Variants in DENND6A observed in about 807,000 individuals in gnomAD.
The protein encoded by DENND6A is protein DENND6A.
DENND6A carries 43 observed loss-of-function variants against 95.5 expected under a neutral mutation model. The observed-to-expected ratio is 0.45, with a 90% CI of 0.35 to 0.58. The LOEUF is 0.58. Among genes scored for constraint, DENND6A ranks in the 20% least tolerant of loss-of-function variants. The pLI is 0.00. For missense variants in DENND6A, 574 were observed against 736.0 expected (o/e 0.78, Z 2.55); for synonymous variants, 257 against 260.4 (o/e 0.99, Z 0.13).
intron 12 of DENND6A, among the ~76,000 whole-genome samples, chr3:57,639,887 A>G (rs1559807718): frequency 6.6e-6 from 1 of 152,198 alleles, no homozygotes; most frequent in Non-Finnish European, 1.5e-5. Context: ...ATTTAGATAT[A>G]TGTATATACC....
intron 3 of DENND6A, among the ~76,000 whole-genome samples, chr3:57,669,782 A>G (rs6445924): frequency 0.83 from 125,649 of 151,708 alleles, 52,313 homozygotes; most frequent in East Asian, 1. Flanking sequence ...AGCACTTTGG[A>G]AGCCTGAGGC....
intron 11 of DENND6A, 80 bp downstream of exon 11, chr3:57,645,581 A>T (rs1017294554): frequency 3.6e-5 from 38 of 1,054,064 alleles, no homozygotes; most frequent in South Asian, 4.8e-5. Context: ...TCTGCCTATA[A>T]GCTTTTATTA....
At chr3:57,671,387 G>A (rs1025617359) in intron 3 of DENND6A, among the ~76,000 whole-genome samples, 14 of 151,916 alleles carry the variant, frequency 9.2e-5, no homozygotes, top group African/African-American at 2.7e-4. Flanking sequence ...AAAATTAGCC[G>A]GGACTGGTGG....
chr3:57,685,397 T>C (rs765597950), intron 1 of DENND6A, among the ~76,000 whole-genome samples: 20 of 152,214 alleles, frequency 1.3e-4, no homozygotes, highest in Non-Finnish European at 2.2e-4. Context: ...TCCAAAATGC[T>C]TGGTGGGATC....
chr3:57,634,721 G>A lies in DENND6A; in HGVS notation c.1181C>T (p.Thr394Ile). The part of the protein sequence containing the change: ...VKVKKLKNLK[T>I]LDSKPGVYTS... ...GTCAATACCAGGTTTGGAATCCAGA[G>A]TCTTTAGATTCTTCAGTTTTTTCAC... The change falls in exon 13 of 20, where the codon ACT (threonine) becomes ATT (isoleucine). Residue 394 changes from threonine to isoleucine, a missense_variant. This residue lies in a region of DENND6A where 452 missense variants were observed against 630.9 expected (regional missense o/e 0.72). Coordinates refer to ENST00000311128, the MANE Select transcript of DENND6A (RefSeq NM_152678.3). The A allele has an allele frequency of 6.4e-7, 1 of 1,570,368 alleles. No individual in the cohort carries two copies. The highest frequency in any genetic ancestry group is 8.6e-7 in the Non-Finnish European group (1 of 1,158,176).
At chr3:57,662,215 A>T (rs1398095724) in intron 5 of DENND6A, among the ~76,000 whole-genome samples, 3 of 116,652 alleles carry the variant, frequency 2.6e-5, no homozygotes, top group Non-Finnish European at 3.4e-5. Context: ...TTTTGAGACA[A>T]GGTCTCACTC....
intron 5 of DENND6A, among the ~76,000 whole-genome samples, chr3:57,662,728 T>C (rs1034451399): frequency 2.0e-5 from 3 of 152,046 alleles, no homozygotes; most frequent in Non-Finnish European, 4.4e-5. Flanking sequence ...AACTGTAACT[T>C]ACTGTCAGGA....
chr3:57,663,463 C>CAAAAA (rs1189672713), intron 5 of DENND6A, among the ~76,000 whole-genome samples, 173 bp downstream of exon 5: 43 of 51,950 alleles, frequency 8.3e-4, no homozygotes, highest in Admixed American at 2.5e-3. Flanking sequence ...GACTCCACCT[C>CAAAAA]AAAAAAAAAA....
At chr3:57,674,201 T>C (rs1409389406) in intron 1 of DENND6A, among the ~76,000 whole-genome samples, 2 of 151,616 alleles carry the variant, frequency 1.3e-5, no homozygotes, top group Admixed American at 6.6e-5. Flanking sequence ...TGAAACCCCG[T>C]CTCTACTAAA....
In DENND6A at chr3:57,679,904, G is replaced by A. The variant is rs150918518; in HGVS notation, c.238-7466C>T. ...GCAACAGACAGCCTAACAGCAGCTC[G>A]GGAGGAAAAGCGAGATATAGAGATG... is the stretch of plus-strand genomic sequence containing the variant. On this transcript the variant is annotated intron_variant, in intron 1 of 19. Coordinates refer to ENST00000311128, the MANE Select transcript of DENND6A (RefSeq NM_152678.3). Among the ~76,000 whole-genome samples, 17 of 152,230 alleles carry A rather than the reference G, an allele frequency of 1.1e-4. No homozygotes were observed. In the South Asian group the frequency reaches 2.7e-3, roughly 24 times the overall value.
chr3:57,679,378 T>C (rs1257019455), intron 1 of DENND6A: 1 of 437,832 alleles, frequency 2.3e-6, no homozygotes, highest in Non-Finnish European at 3.0e-6. Context: ...TGTTGTTACT[T>C]CTTATTCCAC....
intron 1 of DENND6A, among the ~76,000 whole-genome samples, chr3:57,690,634 A>C (rs1161505656): frequency 6.6e-6 from 1 of 151,976 alleles, no homozygotes; most frequent in Non-Finnish European, 1.5e-5. Context: ...CAGTGAGCCG[A>C]AATTACACCA....
At chr3:57,679,821 C>T (rs185092693) in intron 1 of DENND6A, among the ~76,000 whole-genome samples, 2 of 152,260 alleles carry the variant, frequency 1.3e-5, no homozygotes, top group East Asian at 3.9e-4. Flanking sequence ...GTCAAAAATA[C>T]AGGCTGGGAA....
intron 9 of DENND6A, among the ~76,000 whole-genome samples, chr3:57,649,804 C>T (rs545526028): frequency 6.7e-6 from 1 of 149,774 alleles, no homozygotes; most frequent in South Asian, 2.1e-4. Context: ...GGATTGACCC[C>T]CCACCCCCAC....
intron 1 of DENND6A, among the ~76,000 whole-genome samples, chr3:57,686,841 A>G (rs895727682): frequency 6.6e-6 from 1 of 152,156 alleles, no homozygotes; most frequent in African/African-American, 2.4e-5. Context: ...GGGGCAATGA[A>G]TAACTCTATA....
Position 57,628,124 on chromosome 3 carries a change from C to T in DENND6A, c.*90G>A. The T allele has an allele frequency of 6.6e-7, 1 of 1,526,102 alleles. No individual in the cohort carries two copies. The highest frequency in any genetic ancestry group is 2.3e-5 in the East Asian group (1 of 43,910). 94.5% of individuals were successfully genotyped at this position (1,526,102 alleles called of 1,614,324 possible). On this transcript the variant is annotated 3_prime_UTR_variant, in exon 20 of 20. Transcript: ENST00000311128. ...TTCATGGCAATTTTCCACTCCGCTG[C>T]CACTGAGAGATCTCCTTTGTGCGTC...
intron 1 of DENND6A, among the ~76,000 whole-genome samples, chr3:57,678,201 T>C (rs773425156): frequency 1.3e-5 from 2 of 152,222 alleles, no homozygotes; most frequent in African/African-American, 4.8e-5. Context: ...AGGATAAATA[T>C]AGATTTATAG....
At chr3:57,654,894 A>T (rs968379001) in intron 9 of DENND6A, 2 of 681,090 alleles carry the variant, frequency 2.9e-6, no homozygotes, top group African/African-American at 3.9e-5. Flanking sequence ...ATAAACGTGA[A>T]ATGTAAGCTC....
rs552139907 is a variant in DENND6A at position 57,665,944 on chromosome 3, A to G, written c.432+179T>C. ...TATGTTTCAAACATAGTAACTGTAT[A>G]AAGTCCCTTTCATTCAGATGCTGAA... On this transcript the variant is annotated intron_variant, in intron 4 of 19. Transcript: ENST00000311128. 154 of 536,838 alleles carry G rather than the reference A, an allele frequency of 2.9e-4. 2 individuals carry two copies. The South Asian group carries it at 3.5e-3, about 12-fold the overall frequency. The allele number at this position is 536,838 out of a possible 1,614,324, so 33.3% of individuals were successfully genotyped here. A position where few individuals can be genotyped will look rare whatever the true frequency, so the allele number is the denominator to read the frequency against.
Sources: gnomAD v4.1 joint callset for allele counts (sites outside exome capture counted in the v4.1 genomes callset) on GRCh38, gnomAD v4.1.1 for gene constraint, gnomAD v4.1.1 regional missense constraint, MANE v1.5 for transcripts, NCBI Gene and HGNC (gene_info 2026-07-23, HGNC 2026-07-21) for gene names.